The following LSAMP variants were observed in gnomAD, a reference collection of about 807,000 sequenced individuals.
LSAMP encodes the protein limbic system associated membrane protein.
LSAMP carries 7 observed loss-of-function variants against 38.6 expected under a neutral mutation model. The observed-to-expected ratio is 0.18, with a 90% confidence interval of 0.10 to 0.34. LSAMP has a LOEUF of 0.34. Among genes scored for constraint, LSAMP ranks in the 10% least tolerant of loss-of-function variants. The pLI is 1.00. For synonymous variants in LSAMP, 154 were observed against 166.8 expected (o/e 0.92, Z 0.59); for missense variants, 313 against 420.0 (o/e 0.75, Z 2.23).
intron 1 of LSAMP, among the ~76,000 whole-genome samples, chr3:116,117,798 A>G (rs1256767579): frequency 6.6e-6 from 1 of 152,082 alleles, no homozygotes; most frequent in Non-Finnish European, 1.5e-5. Context: ...AATTATTTCT[A>G]TTAAGAAGGG....
At chr3:116,271,904 C>CTAT (rs950981393) in intron 1 of LSAMP, among the ~76,000 whole-genome samples, 3 of 151,954 alleles carry the variant, frequency 2.0e-5, no homozygotes, top group Admixed American at 6.6e-5. Flanking sequence ...GAAGTATTTC[C>CTAT]TATTTATTCT....
At chr3:116,139,326 A>C (rs1037215002) in intron 1 of LSAMP, among the ~76,000 whole-genome samples, 1 of 151,968 alleles carries the variant, frequency 6.6e-6, no homozygotes. Context: ...TAAGACCACA[A>C]AATATTCTGT....
intron 3 of LSAMP, among the ~76,000 whole-genome samples, chr3:115,946,589 A>G (rs76725499): frequency 0.015 from 2,272 of 152,310 alleles, 55 homozygotes; most frequent in African/African-American, 0.05. Flanking sequence ...GGCACAAGAA[A>G]TACCAGAAAT....
intron 1 of LSAMP, among the ~76,000 whole-genome samples, chr3:116,167,077 C>T (rs184342922): frequency 3.3e-5 from 5 of 152,082 alleles, no homozygotes; most frequent in Non-Finnish European, 5.9e-5. Flanking sequence ...AGGCGTGAGC[C>T]GCTGCGCCTG....
At chr3:116,015,021 C>T (rs749323307) in intron 3 of LSAMP, among the ~76,000 whole-genome samples, 14 of 152,112 alleles carry the variant, frequency 9.2e-5, no homozygotes, top group Non-Finnish European at 1.6e-4. Flanking sequence ...AACCCAATGT[C>T]CAATGAGAAA....
rs193260020 is a variant in LSAMP at position 116,046,814 on chromosome 3, C to T, written c.389-27174G>A. On this transcript the variant is annotated intron_variant, in intron 2 of 6. Coordinates refer to ENST00000490035, the MANE Select transcript of LSAMP (RefSeq NM_002338.5). The stretch of plus-strand genomic sequence containing the variant: ...CAGATACCAACAGGGCCAAAACACA[C>T]ATGAAATGAAGATAATCATTGTCAA... Among the ~76,000 whole-genome samples, 18 of 152,318 alleles carry T rather than the reference C, an allele frequency of 1.2e-4. 2 individuals carry two copies. In the East Asian group the frequency reaches 3.5e-3, roughly 29 times the overall value.
chr3:116,179,612 G>A (rs914035829), intron 1 of LSAMP, among the ~76,000 whole-genome samples: 1 of 152,088 alleles, frequency 6.6e-6, no homozygotes, highest in Non-Finnish European at 1.5e-5. Context: ...GTCTTACATG[G>A]CCGGAGCAGG....
intron 1 of LSAMP, among the ~76,000 whole-genome samples, chr3:116,188,028 TAGTG>T (rs1234273367): frequency 6.6e-6 from 1 of 152,124 alleles, no homozygotes; most frequent in Non-Finnish European, 1.5e-5. Flanking sequence ...TCCCATTTAT[TAGTG>T]AGAACATGCA....
chr3:116,177,928 A>C (rs1323182625), intron 1 of LSAMP, among the ~76,000 whole-genome samples: 2 of 152,184 alleles, frequency 1.3e-5, no homozygotes, highest in Non-Finnish European at 2.9e-5. Flanking sequence ...GATATATGGC[A>C]GATTGTGCTA....
chr3:116,442,825 G>A (rs975432876), intron 1 of LSAMP, among the ~76,000 whole-genome samples: 3 of 152,084 alleles, frequency 2.0e-5, no homozygotes, highest in Non-Finnish European at 4.4e-5. Context: ...CTGCTAAAGC[G>A]TAATGTTTAA....
At chr3:115,905,067 C>G (rs1211530880) in intron 3 of LSAMP, among the ~76,000 whole-genome samples, 2 of 152,074 alleles carry the variant, frequency 1.3e-5, no homozygotes, top group Non-Finnish European at 2.9e-5. Flanking sequence ...GGTACAGGCT[C>G]TACTTCAGAC....
At chr3:116,003,910 C>T (rs1438051821) in intron 3 of LSAMP, among the ~76,000 whole-genome samples, 1 of 152,108 alleles carries the variant, frequency 6.6e-6, no homozygotes, top group Non-Finnish European at 1.5e-5. Flanking sequence ...GAGATAACAC[C>T]TTTCTGTTGT....
intron 3 of LSAMP, among the ~76,000 whole-genome samples, chr3:115,875,306 T>G (rs1239279155): frequency 6.6e-6 from 1 of 152,158 alleles, no homozygotes; most frequent in Non-Finnish European, 1.5e-5. Context: ...ATTTTCCTCC[T>G]GCTCTCACTC....
intron 1 of LSAMP, among the ~76,000 whole-genome samples, chr3:116,391,505 A>T (rs987866104): frequency 1.3e-5 from 2 of 151,714 alleles, no homozygotes; most frequent in South Asian, 2.1e-4. Context: ...GGAGCCCACC[A>T]CCCTGGGGGC....
At chr3:116,169,120 C>T (rs1016159596) in intron 1 of LSAMP, among the ~76,000 whole-genome samples, 1 of 152,194 alleles carries the variant, frequency 6.6e-6, no homozygotes, top group East Asian at 1.9e-4. Context: ...TGGGAGGATC[C>T]CTTGAGCCCA....
intron 3 of LSAMP, among the ~76,000 whole-genome samples, chr3:115,885,678 A>G (rs1936435074): frequency 6.8e-6 from 1 of 147,308 alleles, no homozygotes; most frequent in Non-Finnish European, 1.5e-5. Flanking sequence ...AGCAAGATAG[A>G]TGCTTCTTAT....
intron 3 of LSAMP, among the ~76,000 whole-genome samples, chr3:115,974,780 T>G (rs899385163): frequency 1.3e-5 from 2 of 152,106 alleles, no homozygotes; most frequent in African/African-American, 4.8e-5. Flanking sequence ...GTGTGGAGTT[T>G]TTTGAAAGGG....
chr3:116,332,019 T>A (rs937074360), intron 1 of LSAMP, among the ~76,000 whole-genome samples: 1 of 151,956 alleles, frequency 6.6e-6, no homozygotes, highest in African/African-American at 2.4e-5. Context: ...TGCTTATTTT[T>A]TGGTACAGAT....
At chr3:115,851,657 G>A (rs940439565) in intron 4 of LSAMP, among the ~76,000 whole-genome samples, 1 of 152,180 alleles carries the variant, frequency 6.6e-6, no homozygotes, top group African/African-American at 2.4e-5. Context: ...TAGGATGTGT[G>A]TGCATTCAAT....
Sources: gnomAD v4.1 joint callset for allele counts (sites outside exome capture counted in the v4.1 genomes callset) on GRCh38, gnomAD v4.1.1 for gene constraint, MANE v1.5 for transcripts, NCBI Gene and HGNC (gene_info 2026-07-23, HGNC 2026-07-21) for gene names.